The following SLCO4C1 variants were observed in gnomAD, a reference collection of about 807,000 sequenced individuals.
SLCO4C1 encodes the protein solute carrier organic anion transporter family member 4C1, also known as organic anion transporter M1.
Under a neutral mutation model 72.1 loss-of-function variants are expected in SLCO4C1, and 58 were observed. The ratio of observed to expected loss-of-function variants is 0.80; its 90% CI spans 0.65 to 1.00. The LOEUF is 1.00. Ranked by LOEUF, SLCO4C1 falls within the 50% of genes least tolerant of loss-of-function variation. The pLI is 0.00. For synonymous variants in SLCO4C1, 297 were observed against 312.5 expected (o/e 0.95, Z 0.52); for missense variants, 898 against 857.9 (o/e 1.05, Z -0.58).
Position 102,236,846 on chromosome 5 carries a change from T to G in SLCO4C1, c.*12A>C. 1 of 1,610,066 alleles carries G rather than the reference T, an allele frequency of 6.2e-7. No individual in the cohort carries two copies. Among genetic ancestry groups the G allele is most frequent in the Non-Finnish European group, 8.5e-7 (1 of 1,179,040 alleles). ...ATTTTCCAGGTGTAAAACAGTCTTCTCTTTTCCCATTTCACCCTTCTTTTA... is the reference window on the plus strand; with the variant it reads ...ATTTTCCAGGTGTAAAACAGTCTTCGCTTTTCCCATTTCACCCTTCTTTTA... On this transcript the variant is annotated 3_prime_UTR_variant, in exon 13 of 13. Coordinates refer to ENST00000310954, the MANE Select transcript of SLCO4C1 (RefSeq NM_180991.5).
chr5:102,286,832 TCTTAA>T (rs1561381724), intron 2 of SLCO4C1, among the ~76,000 whole-genome samples: 1 of 152,306 alleles, frequency 6.6e-6, no homozygotes, highest in Non-Finnish European at 1.5e-5. Context: ...AAATATATCT[TCTTAA>T]CTTTTGTTCT....
chr5:102,263,749 AG>A lies in SLCO4C1; in HGVS notation c.833del (p.Pro278LeufsTer12). 6.2e-7 allele frequency: 1 copy of A among 1,612,888 alleles called. No homozygotes were observed. Among genetic ancestry groups the A allele is most frequent in the Non-Finnish European group, 8.5e-7 (1 of 1,179,200 alleles). ...GTGYAMSILGPAIGYVLGGQL... is the reference protein window; with the variant it reads ...GTGYAMSILGXAIGYVLGGQL... ...GTCCTCCCAATACATAGCCAATAGCAGGGCCTAAGATTGACATAGCATAACC... is the reference window on the plus strand; with the variant it reads ...GTCCTCCCAATACATAGCCAATAGCAGGCCTAAGATTGACATAGCATAACC... On this transcript the variant is annotated frameshift_variant, in exon 4 of 13. Transcript: ENST00000310954. LOFTEE classifies it high-confidence loss of function.
chr5:102,253,279 T>A (rs1252256126), intron 8 of SLCO4C1, among the ~76,000 whole-genome samples: 1 of 152,206 alleles, frequency 6.6e-6, no homozygotes, highest in Non-Finnish European at 1.5e-5. Flanking sequence ...ACAGTATTCA[T>A]GCAATCGAAT....
intron 11 of SLCO4C1, 80 bp downstream of exon 11, chr5:102,240,638 A>G (rs1172521189): frequency 1.8e-6 from 2 of 1,121,592 alleles, no homozygotes; most frequent in Admixed American, 4.3e-5. Context: ...TTTTTGCCAC[A>G]GGCCATAAAT....
intron 2 of SLCO4C1, among the ~76,000 whole-genome samples, chr5:102,278,143 C>G (rs1749283171): frequency 6.6e-6 from 1 of 151,888 alleles, no homozygotes. Flanking sequence ...TGTGGGCAGG[C>G]TGAAATTTAA....
rs1748403118 is a variant in SLCO4C1 at position 102,234,789 on chromosome 5, A to C, written c.*2069T>G. ...CCCTGCTTCCACACAAAGGACAAAGAAAGCCTAAACTTTCCTTTTCCTTTT... is the reference window on the plus strand; with the variant it reads ...CCCTGCTTCCACACAAAGGACAAAGCAAGCCTAAACTTTCCTTTTCCTTTT... On this transcript the variant is annotated 3_prime_UTR_variant, in exon 13 of 13. Transcript: ENST00000310954. 8.4e-6 allele frequency: 1 copy of C among 119,662 alleles called. No homozygotes were observed. The highest frequency in any genetic ancestry group is 7.9e-5 in the Admixed American group (1 of 12,606). 7.4% of individuals were successfully genotyped at this position (119,662 alleles called of 1,614,324 possible).
At chr5:102,245,347 G>GA (rs1299209505) in intron 10 of SLCO4C1, among the ~76,000 whole-genome samples, 2 of 151,912 alleles carry the variant, frequency 1.3e-5, no homozygotes, top group Non-Finnish European at 2.9e-5. Flanking sequence ...TAAAGAAATG[G>GA]AAAAACACAT....
At chr5:102,265,715 T>C (rs1749024806) in intron 3 of SLCO4C1, among the ~76,000 whole-genome samples, 1 of 152,166 alleles carries the variant, frequency 6.6e-6, no homozygotes, top group East Asian at 1.9e-4. Context: ...TACTAAAGCT[T>C]TGTTGTATAA....
At chr5:102,289,599 T>C (rs1034455020) in intron 2 of SLCO4C1, among the ~76,000 whole-genome samples, 1 of 152,212 alleles carries the variant, frequency 6.6e-6, no homozygotes, top group African/African-American at 2.4e-5. Context: ...AATTTAGATA[T>C]TCCCTTACGA....
chr5:102,294,844 C>T (rs1041623045), intron 1 of SLCO4C1, among the ~76,000 whole-genome samples: 1 of 152,210 alleles, frequency 6.6e-6, no homozygotes, highest in Non-Finnish European at 1.5e-5. Flanking sequence ...TAGGCTTTGA[C>T]TTAGTTTTCT....
At position 102,291,528 on chromosome 5, in the gene SLCO4C1, C is replaced by A. The variant is rs1217265293; in HGVS notation, c.434G>T (p.Gly145Val). The A allele has an allele frequency of 1.9e-6, 3 of 1,614,004 alleles. No individual in the cohort carries two copies. The Admixed American group carries it at 5.0e-5, about 27-fold the overall frequency. The change falls in exon 2 of 13, where the codon GGC (glycine) becomes GTC (valine). Residue 145 changes from glycine to valine, a missense_variant. Coordinates refer to ENST00000310954, the MANE Select transcript of SLCO4C1 (RefSeq NM_180991.5). Reference sequence around the variant, plus strand: ...AATATCGTAGCTTGATGAAATCAGGCCAGTCAGGGAACTCTTCATTTCATA... The same window carrying A: ...AATATCGTAGCTTGATGAAATCAGGACAGTCAGGGAACTCTTCATTTCATA... The part of the protein sequence containing the change: ...KRYEMKSSLT[G>V]LISSSYDISF...
intron 1 of SLCO4C1, among the ~76,000 whole-genome samples, 198 bp downstream of exon 1, chr5:102,295,710 A>G (rs998169114): frequency 5.3e-5 from 8 of 152,270 alleles, no homozygotes; most frequent in Non-Finnish European, 1.0e-4. Context: ...ATAAAGGAGA[A>G]GCTGAACTTT....
intron 2 of SLCO4C1, among the ~76,000 whole-genome samples, chr5:102,286,501 A>ATGT (rs1749455190): frequency 6.6e-6 from 1 of 152,142 alleles, no homozygotes; most frequent in Non-Finnish European, 1.5e-5. Flanking sequence ...ATACTACAAT[A>ATGT]TGTTGTGTCA....
In SLCO4C1 at chr5:102,236,605, C is replaced by CGTGTGTGT. The variant is rs3995237; in HGVS notation, c.*245_*252dup. The stretch of plus-strand genomic sequence containing the variant: ...GCGTGTGTGTGTGTGTGTGTGTGTT[C>CGTGTGTGT]GTGTGTGTGTGTGTGTGTGTGCTCG... On this transcript the variant is annotated 3_prime_UTR_variant, in exon 13 of 13. Coordinates refer to ENST00000310954, the MANE Select transcript of SLCO4C1 (RefSeq NM_180991.5). The CGTGTGTGT allele has an allele frequency of 1.2e-4, 33 of 286,876 alleles. No individual in the cohort carries two copies. Among genetic ancestry groups the CGTGTGTGT allele is most frequent in the African/African-American group, 7.9e-4 (31 of 39,152 alleles). The allele number at this position is 286,876 out of a possible 1,614,324, so 17.8% of individuals were successfully genotyped here.
chr5:102,266,683 G>C (rs1013306796), intron 3 of SLCO4C1, among the ~76,000 whole-genome samples: 1 of 149,404 alleles, frequency 6.7e-6, no homozygotes, highest in Non-Finnish European at 1.5e-5. Flanking sequence ...AAAAAAAACA[G>C]AAAGTGGGCT....
intron 8 of SLCO4C1, among the ~76,000 whole-genome samples, chr5:102,253,695 C>A (rs1748782297): frequency 6.6e-6 from 1 of 151,898 alleles, no homozygotes; most frequent in Non-Finnish European, 1.5e-5. Context: ...ATCCCAGCTA[C>A]TCGGGAGGCT....
At chr5:102,243,285 C>T (rs1051333739) in intron 10 of SLCO4C1, among the ~76,000 whole-genome samples, 4 of 152,138 alleles carry the variant, frequency 2.6e-5, no homozygotes, top group Admixed American at 6.5e-5. Context: ...CCCACCCAAG[C>T]GAAGGACACA....
chr5:102,280,887 G>A (rs1462763331), intron 2 of SLCO4C1, among the ~76,000 whole-genome samples: 1 of 151,960 alleles, frequency 6.6e-6, no homozygotes, highest in Non-Finnish European at 1.5e-5. Context: ...TTTGAGTGGG[G>A]ACACAAAACC....
intron 7 of SLCO4C1, 26 bp from the exon 8 acceptor site, chr5:102,257,336 G>A: frequency 1.9e-6 from 3 of 1,550,170 alleles, no homozygotes; most frequent in Non-Finnish European, 1.7e-6. Flanking sequence ...AATGTAGATT[G>A]TGAGAAACCA....
Sources: gnomAD v4.1 joint callset for allele counts (sites outside exome capture counted in the v4.1 genomes callset) on GRCh38, gnomAD v4.1.1 for gene constraint, MANE v1.5 for transcripts, NCBI Gene and HGNC (gene_info 2026-07-23, HGNC 2026-07-21) for gene names.